NRG1: variants seen among roughly 807,000 people sequenced by gnomAD.
NRG1 encodes the protein pro-neuregulin-1, membrane-bound isoform.
In NRG1, 18 loss-of-function variants were observed where a neutral mutation model predicts 63.8. That is an observed-to-expected ratio of 0.28 (90% CI 0.19 to 0.42). The LOEUF (loss-of-function observed/expected upper bound fraction) is 0.42, where lower values mean the gene tolerates loss of function less well. Among genes scored for constraint, NRG1 ranks in the 10% least tolerant of loss-of-function variants. The pLI is 1.00. For synonymous variants in NRG1, 302 were observed against 301.3 expected, an observed-to-expected ratio of 1.00 and a Z score of -0.02; for missense variants, 762 against 814.7, an observed-to-expected ratio of 0.94 and a Z score of 0.79.
intron 1 of NRG1, among the ~76,000 whole-genome samples, chr8:32,080,142 A>G (rs1827228970): frequency 6.6e-6 from 1 of 152,156 alleles, no homozygotes; most frequent in Non-Finnish European, 1.5e-5. Flanking sequence ...ATAAATTATA[A>G]TGTTTATCCT....
chr8:32,702,613 A>T (rs2919383), intron 5 of NRG1, among the ~76,000 whole-genome samples: 104,663 of 152,012 alleles, frequency 0.69, 37,256 homozygotes, highest in Non-Finnish European at 0.79. Context: ...CAGCCTGCTG[A>T]GTAGCTGGGA....
At chr8:31,762,103 A>C (rs989598192) in intron 1 of NRG1, among the ~76,000 whole-genome samples, 1 of 152,136 alleles carries the variant, frequency 6.6e-6, no homozygotes, top group Non-Finnish European at 1.5e-5. Flanking sequence ...AATTTCTTCT[A>C]AAAAAACAGG....
At chr8:31,812,253 C>T (rs1450486745) in intron 1 of NRG1, among the ~76,000 whole-genome samples, 1 of 152,154 alleles carries the variant, frequency 6.6e-6, no homozygotes, top group East Asian at 1.9e-4. Flanking sequence ...ATTTCAAATG[C>T]TAGCCTGTAT....
chr8:32,058,140 AT>A (rs919763588), intron 1 of NRG1, among the ~76,000 whole-genome samples: 1 of 152,070 alleles, frequency 6.6e-6, no homozygotes, highest in African/African-American at 2.4e-5. Context: ...ATCAATTTAA[AT>A]TTTTTTAAAA....
At chr8:32,347,398 A>G (rs1181809820) in intron 1 of NRG1, among the ~76,000 whole-genome samples, 1 of 152,176 alleles carries the variant, frequency 6.6e-6, no homozygotes, top group Non-Finnish European at 1.5e-5. Flanking sequence ...AGAACCCTGC[A>G]GGGTGTTCAA....
intron 1 of NRG1, among the ~76,000 whole-genome samples, chr8:32,245,381 A>C (rs1407942714): frequency 6.6e-6 from 1 of 152,176 alleles, no homozygotes; most frequent in Non-Finnish European, 1.5e-5. Flanking sequence ...GTTTGGTACA[A>C]ATTAACAATT....
At chr8:31,702,373 A>G (rs1453174984) in intron 1 of NRG1, among the ~76,000 whole-genome samples, 1 of 152,144 alleles carries the variant, frequency 6.6e-6, no homozygotes, top group Non-Finnish European at 1.5e-5. Context: ...GCACAGCTAG[A>G]CACCTTTATG....
intron 1 of NRG1, among the ~76,000 whole-genome samples, chr8:32,486,595 A>G (rs975831277): frequency 6.7e-6 from 1 of 149,492 alleles, no homozygotes; most frequent in Non-Finnish European, 1.5e-5. Context: ...TAAATACACC[A>G]TTATTTCCTC....
chr8:31,868,147 TACACACACACACACAC>T (rs1047085862), intron 1 of NRG1, among the ~76,000 whole-genome samples: 2 of 32,634 alleles, frequency 6.1e-5, no homozygotes, highest in African/African-American at 8.3e-5. Context: ...ACATACATCT[TACACACACACACACAC>T]ACACACACAC....
At chr8:32,372,468 C>T (rs957667463) in intron 1 of NRG1, among the ~76,000 whole-genome samples, 5 of 152,056 alleles carry the variant, frequency 3.3e-5, no homozygotes, top group Non-Finnish European at 7.4e-5. Context: ...CAAAACAACA[C>T]AGATAGAAGG....
intron 6 of NRG1, among the ~76,000 whole-genome samples, chr8:32,734,389 G>T (rs1016557547): frequency 3.3e-5 from 5 of 152,162 alleles, no homozygotes; most frequent in African/African-American, 1.2e-4. Flanking sequence ...AAACAGGACT[G>T]GGTTAGAACT....
intron 1 of NRG1, among the ~76,000 whole-genome samples, chr8:31,717,430 G>C (rs377683558): frequency 0.097 from 13,026 of 134,938 alleles, 796 homozygotes; most frequent in Admixed American, 0.17. Context: ...AAAAAAAAAA[G>C]AAAAACAAAA....
At chr8:31,754,133 A>G (rs149711495) in intron 1 of NRG1, among the ~76,000 whole-genome samples, 1 of 152,226 alleles carries the variant, frequency 6.6e-6, no homozygotes, top group Non-Finnish European at 1.5e-5. Flanking sequence ...CCAATGACAT[A>G]TCTTTTACCT....
chr8:32,716,213 C>T (rs1303976818), intron 5 of NRG1, among the ~76,000 whole-genome samples: 2 of 152,144 alleles, frequency 1.3e-5, no homozygotes, highest in East Asian at 3.9e-4. Context: ...AATGCAAATT[C>T]CTGCTACACA....
At chr8:32,521,154 A>T (rs746890642) in intron 1 of NRG1, among the ~76,000 whole-genome samples, 2 of 152,172 alleles carry the variant, frequency 1.3e-5, no homozygotes, top group Non-Finnish European at 2.9e-5. Context: ...GGTACTATCC[A>T]TGGTTTCTGG....
chr8:31,924,227 C>T (rs547677456), intron 1 of NRG1, among the ~76,000 whole-genome samples: 47 of 151,870 alleles, frequency 3.1e-4, no homozygotes, highest in Non-Finnish European at 5.4e-4. Context: ...TAGTGGTGCA[C>T]GCCTGTAGTC....
intron 1 of NRG1, among the ~76,000 whole-genome samples, chr8:31,966,420 C>T (rs1019824392): frequency 3.3e-5 from 5 of 152,194 alleles, no homozygotes; most frequent in Non-Finnish European, 7.3e-5. Context: ...ACAAGAATAT[C>T]TACTCCAAAA....
intron 1 of NRG1, chr8:32,026,251 G>T (rs1817358917): frequency 6.6e-6 from 1 of 151,628 alleles, no homozygotes; most frequent in Non-Finnish European, 1.5e-5. Context: ...TTTCCCAGTT[G>T]ACTACTACCG....
chr8:31,807,948 C>CGTGTGTGTGTGT (rs71208141), intron 1 of NRG1, among the ~76,000 whole-genome samples: 1 of 137,068 alleles, frequency 7.3e-6, no homozygotes, highest in Non-Finnish European at 1.7e-5. Flanking sequence ...AGAGTATTCG[C>CGTGTGTGTGTGT]GTGTGTGTGT....
Sources: gnomAD v4.1 joint callset for allele counts (sites outside exome capture counted in the v4.1 genomes callset) on GRCh38, gnomAD v4.1.1 for gene constraint, MANE v1.5 for transcripts, NCBI Gene and HGNC (gene_info 2026-07-23, HGNC 2026-07-21) for gene names.